The following CSNK1G1 variants were observed in gnomAD, a reference collection of about 807,000 sequenced individuals.
The protein encoded by CSNK1G1 is casein kinase I isoform gamma-1.
Under a neutral mutation model 59.6 loss-of-function variants are expected in CSNK1G1, and 22 were observed. That is an observed-to-expected ratio of 0.37 (90% confidence interval 0.26 to 0.53). CSNK1G1 has a LOEUF of 0.53. Among genes scored for constraint, CSNK1G1 ranks in the 20% least tolerant of loss-of-function variants. CSNK1G1 has a pLI of 0.89. For synonymous variants in CSNK1G1, 179 were observed against 177.1 expected, an observed-to-expected ratio of 1.01 and a Z score of -0.08; for missense variants, 384 against 519.5, an observed-to-expected ratio of 0.74 and a Z score of 2.54.
chr15:64,311,822 G>GT (rs1464864728), intron 1 of CSNK1G1, among the ~76,000 whole-genome samples: 8 of 152,224 alleles, frequency 5.3e-5, no homozygotes, highest in Non-Finnish European at 1.0e-4. Flanking sequence ...GGTGCTTGCA[G>GT]TGAGCTGACA....
chr15:64,249,697 T>C (rs184653105), intron 4 of CSNK1G1, among the ~76,000 whole-genome samples: 2 of 152,344 alleles, frequency 1.3e-5, no homozygotes, highest in East Asian at 3.9e-4. Flanking sequence ...GCAATTTGTA[T>C]AGTCACCTTT....
chr15:64,215,012 G>A (rs562325468), intron 5 of CSNK1G1, among the ~76,000 whole-genome samples: 3 of 150,146 alleles, frequency 2.0e-5, no homozygotes, highest in Admixed American at 6.7e-5. Flanking sequence ...TGTTGCCTAC[G>A]CTGGTCTCAA....
At chr15:64,295,974 G>A (rs1045170516) in intron 2 of CSNK1G1, among the ~76,000 whole-genome samples, 6 of 152,052 alleles carry the variant, frequency 3.9e-5, no homozygotes, top group African/African-American at 1.4e-4. Flanking sequence ...TGATATGCTG[G>A]GCACTTGCAC....
At chr15:64,201,271 C>CAAAAAAAAAAAAAAAAA (rs545719275) in intron 10 of CSNK1G1, among the ~76,000 whole-genome samples, 1 of 65,026 alleles carries the variant, frequency 1.5e-5, no homozygotes, top group African/African-American at 4.9e-5. Context: ...GACACTGTCT[C>CAAAAAAAAAAAAAAAAA]AAAAAAAAAA....
chr15:64,259,916 T>C (rs1404165748), intron 2 of CSNK1G1, among the ~76,000 whole-genome samples: 2 of 152,192 alleles, frequency 1.3e-5, no homozygotes, highest in African/African-American at 2.4e-5. Context: ...TCCTTTAAAC[T>C]TTCCTATTTC....
At chr15:64,212,734 G>C (rs896303217) in intron 6 of CSNK1G1, among the ~76,000 whole-genome samples, 2 of 151,786 alleles carry the variant, frequency 1.3e-5, no homozygotes, top group African/African-American at 4.8e-5. Context: ...TGCTGGGCAC[G>C]GTGGCTCACA....
intron 1 of CSNK1G1, among the ~76,000 whole-genome samples, chr15:64,342,870 T>G (rs774148676): frequency 6.6e-6 from 1 of 152,148 alleles, no homozygotes; most frequent in Non-Finnish European, 1.5e-5. Flanking sequence ...AAATACAGAT[T>G]GCTGGACCCC....
chr15:64,311,681 A>G (rs1370562069), intron 1 of CSNK1G1, among the ~76,000 whole-genome samples: 1 of 123,654 alleles, frequency 8.1e-6, no homozygotes, highest in African/African-American at 3.4e-5. Context: ...AAAAGTGAAA[A>G]AAAAAAAAAA....
In CSNK1G1 at chr15:64,263,072, G is replaced by A. The variant is rs181489996; in HGVS notation, c.182-3831C>T. ...CCAGCCTGGGCAACAAGAGCAAAAC[G>A]CCATCTCAAAAAAAAAAAAAAAAAA... On this transcript the variant is annotated intron_variant, in intron 2 of 11. Transcript: ENST00000303052. 1.1e-3 allele frequency among the ~76,000 whole-genome samples: 97 copies of A among 90,074 alleles called. 2 individuals carry two copies. The East Asian group carries it at 0.03, about 28-fold the overall frequency. The allele number at this position is 90,074 out of a possible 152,430, so 59.1% of individuals were successfully genotyped here. A position where few individuals can be genotyped will look rare whatever the true frequency, so the allele number is the denominator to read the frequency against.
chr15:64,289,882 A>C (rs1167296662), intron 2 of CSNK1G1, among the ~76,000 whole-genome samples: 2 of 152,104 alleles, frequency 1.3e-5, no homozygotes, highest in African/African-American at 4.8e-5. Context: ...AATGACCAAG[A>C]AGCATATGAA....
At chr15:64,190,259 C>A (rs1352825245) in intron 10 of CSNK1G1, among the ~76,000 whole-genome samples, 1 of 152,086 alleles carries the variant, frequency 6.6e-6, no homozygotes, top group Non-Finnish European at 1.5e-5. Flanking sequence ...TGCTCTATTA[C>A]CTTATAAATG....
intron 6 of CSNK1G1, among the ~76,000 whole-genome samples, chr15:64,211,805 CTG>C (rs2082253326): frequency 2.0e-5 from 3 of 152,198 alleles, no homozygotes; most frequent in African/African-American, 4.8e-5. Flanking sequence ...AACCACTACT[CTG>C]TATCTTATAC....
rs2081608826 is a variant in CSNK1G1, at chr15:64,166,878, G to A, written c.*5053C>T. ...GACCTTATAGATGGTGATGGCACTG[G>A]GAAAGTGATTGTGAGGAGTAAAAGA... On this transcript the variant is annotated 3_prime_UTR_variant, in exon 12 of 12. Transcript: ENST00000303052. The surrounding 1 kb of genome is among the most constrained non-coding windows in gnomAD (Gnocchi z 4.5). 1 of 152,544 alleles carries A rather than the reference G, an allele frequency of 6.6e-6. No individual in the cohort carries two copies. The highest frequency in any genetic ancestry group is 1.5e-5 in the Non-Finnish European group (1 of 68,024). 9.4% of individuals were successfully genotyped at this position (152,544 alleles called of 1,614,324 possible).
intron 1 of CSNK1G1, among the ~76,000 whole-genome samples, chr15:64,307,780 G>A (rs113946918): frequency 6.6e-6 from 1 of 152,106 alleles, no homozygotes. Context: ...TCCGTCTCCC[G>A]GGTTCACGCC....
chr15:64,230,043 T>G (rs1015966071), intron 4 of CSNK1G1, among the ~76,000 whole-genome samples: 1 of 149,410 alleles, frequency 6.7e-6, no homozygotes, highest in Non-Finnish European at 1.5e-5. Flanking sequence ...TGTCTCAGCC[T>G]CTGGAGTAGC....
At chr15:64,318,254 C>T (rs1223411046) in intron 1 of CSNK1G1, among the ~76,000 whole-genome samples, 1 of 151,908 alleles carries the variant, frequency 6.6e-6, no homozygotes. Context: ...CTTCCCGTGA[C>T]GTATCAGTAG....
At chr15:64,325,458 C>T (rs894026873) in intron 1 of CSNK1G1, among the ~76,000 whole-genome samples, 10 of 152,186 alleles carry the variant, frequency 6.6e-5, no homozygotes, top group Non-Finnish European at 1.3e-4. Context: ...GCCTTATTCT[C>T]ATATTATAAT....
chr15:64,249,183 A>T (rs1891937123), intron 4 of CSNK1G1, among the ~76,000 whole-genome samples: 1 of 152,200 alleles, frequency 6.6e-6, no homozygotes, highest in South Asian at 2.1e-4. Flanking sequence ...AAGAACTTCA[A>T]ATACACTGGA....
intron 2 of CSNK1G1, among the ~76,000 whole-genome samples, chr15:64,290,229 A>C (rs1364681986): frequency 6.6e-6 from 1 of 152,100 alleles, no homozygotes; most frequent in African/African-American, 2.4e-5. Context: ...AAAAGAAATC[A>C]TTACATCAAA....
Sources: allele counts gnomAD v4.1 joint callset (sites outside exome capture counted in the v4.1 genomes callset), GRCh38; gene constraint gnomAD v4.1.1; non-coding constraint Gnocchi (gnomAD v3.1); transcripts MANE v1.5; gene names NCBI Gene and HGNC (gene_info 2026-07-23, HGNC 2026-07-21).